The following NTM variants were observed in gnomAD, a reference collection of about 807,000 sequenced individuals.
The protein encoded by NTM is neurotrimin.
A neutral mutation model predicts 42.1 loss-of-function variants in NTM; 13 were observed. The ratio of observed to expected loss-of-function variants is 0.31; its 90% CI spans 0.20 to 0.49. The LOEUF (loss-of-function observed/expected upper bound fraction) is 0.49. NTM is among the 20% of genes least tolerant of loss of function. NTM has a pLI of 0.99. For synonymous variants in NTM, 187 were observed against 179.2 expected, an observed-to-expected ratio of 1.04 and a Z score of -0.35; for missense variants, 373 against 452.8, an observed-to-expected ratio of 0.82 and a Z score of 1.60.
At chr11:131,638,858 C>T (rs1454466903) in intron 1 of NTM, among the ~76,000 whole-genome samples, 1 of 150,894 alleles carries the variant, frequency 6.6e-6, no homozygotes, top group African/African-American at 2.5e-5. Context: ...TCCCTGTACA[C>T]CATATGAAAA....
intron 1 of NTM, among the ~76,000 whole-genome samples, chr11:131,491,647 C>T (rs1199112274): frequency 1.3e-5 from 2 of 152,124 alleles, no homozygotes; most frequent in African/African-American, 4.8e-5. Context: ...GGTATTATCT[C>T]CCAGCATGAA....
At chr11:132,039,740 G>A (rs1020847931) in intron 2 of NTM, among the ~76,000 whole-genome samples, 8 of 152,120 alleles carry the variant, frequency 5.3e-5, no homozygotes, top group African/African-American at 1.9e-4. Context: ...GTGGGAATAA[G>A]ACAGCAGCAG....
chr11:131,632,672 G>GTTTT, intron 1 of NTM, among the ~76,000 whole-genome samples: 1 of 38,302 alleles, frequency 2.6e-5, no homozygotes, highest in Non-Finnish European at 6.2e-5. Flanking sequence ...TGCTCGGGCA[G>GTTTT]CTTTTTTTTT....
In NTM at chr11:131,802,446, G is replaced by A. The variant is rs544653591; in HGVS notation, c.83-109118G>A. On this transcript the variant is annotated intron_variant, in intron 1 of 8. Transcript: ENST00000683400. ...TCGCCTCCAACTCTGCACCCACCAC[G>A]CTTGGGCTGCCTTCAGGTAGGAGGG... Among the ~76,000 whole-genome samples the A allele has an allele frequency of 2.6e-4, 39 of 152,292 alleles. No homozygotes were observed. The Middle Eastern group carries it at 0.014, about 53-fold the overall frequency.
intron 2 of NTM, among the ~76,000 whole-genome samples, chr11:132,143,828 GA>G (rs1158511492): frequency 1.3e-5 from 2 of 152,178 alleles, no homozygotes; most frequent in Non-Finnish European, 2.9e-5. Flanking sequence ...GGCAGTACCA[GA>G]TGGCAGTCAT....
chr11:131,585,807 G>A (rs991984558), intron 1 of NTM, among the ~76,000 whole-genome samples: 2 of 151,944 alleles, frequency 1.3e-5, no homozygotes, highest in African/African-American at 4.8e-5. Context: ...TTTTCTCTTT[G>A]TGTCCTTTCC....
chr11:131,701,225 G>C (rs969662901), intron 1 of NTM, among the ~76,000 whole-genome samples: 1 of 152,124 alleles, frequency 6.6e-6, no homozygotes, highest in Admixed American at 6.5e-5. Context: ...TGCATGACTT[G>C]GGCAAGTTGG....
At chr11:131,671,013 C>T (rs2070113445) in intron 1 of NTM, among the ~76,000 whole-genome samples, 1 of 152,166 alleles carries the variant, frequency 6.6e-6, no homozygotes, top group Non-Finnish European at 1.5e-5. Context: ...TCCCCTCTTC[C>T]TCCTGCTCTG....
intron 1 of NTM, among the ~76,000 whole-genome samples, chr11:131,501,974 C>T (rs1239846104): frequency 6.6e-6 from 1 of 152,040 alleles, no homozygotes; most frequent in Non-Finnish European, 1.5e-5. Flanking sequence ...GTTAGACTTC[C>T]AACAGAGATG....
intron 3 of NTM, among the ~76,000 whole-genome samples, chr11:132,161,492 G>A (rs1229684605): frequency 1.4e-5 from 2 of 148,134 alleles, no homozygotes; most frequent in African/African-American, 2.5e-5. Flanking sequence ...ACTCTCTTAG[G>A]CACGCTCTAT....
At chr11:132,328,025 A>C (rs2095718937) in intron 7 of NTM, among the ~76,000 whole-genome samples, 1 of 152,112 alleles carries the variant, frequency 6.6e-6, no homozygotes, top group Admixed American at 6.5e-5. Flanking sequence ...AATGTTACTC[A>C]AAGACTGGAG....
chr11:131,773,742 G>T lies in NTM; in HGVS notation c.83-137822G>T, dbSNP rs142601101. Among the ~76,000 whole-genome samples the T allele has an allele frequency of 3.7e-3, 571 of 152,288 alleles. 3 individuals are homozygous for T. Among genetic ancestry groups the T allele is most frequent in the African/African-American group, 0.011 (468 of 41,540 alleles). On this transcript the variant is annotated intron_variant, in intron 1 of 8. Coordinates refer to ENST00000683400, the MANE Select transcript of NTM (RefSeq NM_001352005.2). Reference sequence around the variant, plus strand: ...CAAACTCATAACCTAGCCATCTAAAGTCACATACTGTCTTGTGAAATACAA... The same window carrying T: ...CAAACTCATAACCTAGCCATCTAAATTCACATACTGTCTTGTGAAATACAA...
rs562447679 is a variant in NTM at position 131,877,143 on chromosome 11, G to A, written c.83-34421G>A. Among the ~76,000 whole-genome samples the A allele has an allele frequency of 5.9e-5, 9 of 152,344 alleles. No homozygotes were observed. In the South Asian group the frequency reaches 1.9e-3, roughly 32 times the overall value. On this transcript the variant is annotated intron_variant, in intron 1 of 8. Transcript: ENST00000683400. ...CAAAGTGCTGGGATTGCAGGCGTGA[G>A]GCACTGCGCCAGGCCCCAAGGCATA...
At chr11:131,886,802 G>A (rs980044729) in intron 1 of NTM, among the ~76,000 whole-genome samples, 4 of 152,190 alleles carry the variant, frequency 2.6e-5, no homozygotes, top group Non-Finnish European at 4.4e-5. Context: ...AGGAAGGGAC[G>A]CTGTGTCTCC....
chr11:132,249,176 A>G (rs1045700838), intron 4 of NTM, among the ~76,000 whole-genome samples: 1 of 152,230 alleles, frequency 6.6e-6, no homozygotes, highest in African/African-American at 2.4e-5. Context: ...CAAAGCAATC[A>G]TATTCTAAAT....
chr11:132,187,881 T>A (rs889773476), intron 3 of NTM, among the ~76,000 whole-genome samples: 2 of 151,944 alleles, frequency 1.3e-5, no homozygotes, highest in Non-Finnish European at 2.9e-5. Context: ...AAAAAGAGAG[T>A]GATACGTAGG....
intron 2 of NTM, among the ~76,000 whole-genome samples, chr11:132,096,569 C>G (rs1415367733): frequency 6.6e-6 from 1 of 152,118 alleles, no homozygotes; most frequent in African/African-American, 2.4e-5. Flanking sequence ...AATGTAACTC[C>G]CCCCGCCCTC....
intron 2 of NTM, among the ~76,000 whole-genome samples, chr11:132,001,737 C>G (rs2069294106): frequency 6.6e-6 from 1 of 151,788 alleles, no homozygotes. Flanking sequence ...TTGGCAGGGA[C>G]ATGTATTCAA....
At chr11:131,659,770 G>A (rs192187565) in intron 1 of NTM, among the ~76,000 whole-genome samples, 2 of 152,230 alleles carry the variant, frequency 1.3e-5, no homozygotes, top group African/African-American at 4.8e-5. Context: ...TCTCTTTGGG[G>A]GATGCAGCAA....
Sources: allele counts gnomAD v4.1 joint callset (sites outside exome capture counted in the v4.1 genomes callset), GRCh38; gene constraint gnomAD v4.1.1; transcripts MANE v1.5; gene names NCBI Gene and HGNC (gene_info 2026-07-23, HGNC 2026-07-21).